LAMTOR5: variants seen among roughly 807,000 people sequenced by gnomAD.
LAMTOR5 encodes late endosomal/lysosomal adaptor, MAPK and MTOR activator 5.
A neutral mutation model predicts 12.1 loss-of-function variants in LAMTOR5; 8 were observed. That is an observed-to-expected ratio of 0.66 (90% CI 0.39 to 1.19). The LOEUF (loss-of-function observed/expected upper bound fraction) is 1.19. LAMTOR5 is among the 50% of genes most tolerant of loss of function. The probability of loss-of-function intolerance (pLI) is 0.01; values close to 1 mark genes in which losing one functional copy is unlikely to be tolerated. For missense variants in LAMTOR5, 110 were observed against 112.8 expected (o/e 0.97, Z 0.11); for synonymous variants, 37 against 41.9 (o/e 0.88, Z 0.45).
chr1:110,404,480 T>G (rs1663288680), intron 2 of LAMTOR5, among the ~76,000 whole-genome samples: 1 of 152,204 alleles, frequency 6.6e-6, no homozygotes, highest in African/African-American at 2.4e-5. Flanking sequence ...TTCCAAAAAT[T>G]TACCCTTTTT....
chr1:110,407,826 C>A, upstream of LAMTOR5: 2 of 1,613,976 alleles, frequency 1.2e-6, no homozygotes, highest in Non-Finnish European at 1.7e-6. Flanking sequence ...GCTTGGGCTC[C>A]CCGCGCGGTG....
chr1:110,405,542 G>A (rs957868543), intron 2 of LAMTOR5, among the ~76,000 whole-genome samples: 1 of 152,054 alleles, frequency 6.6e-6, no homozygotes. Flanking sequence ...TGTTGCACAG[G>A]CTGGTCTTGA....
intron 1 of LAMTOR5, chr1:110,406,822 CA>C (rs1557924821): frequency 4.7e-6 from 2 of 428,134 alleles, no homozygotes; most frequent in Non-Finnish European, 4.1e-6. Context: ...AATTCCGTCT[CA>C]AAAAAAGAAC....
At chr1:110,401,937 CT>C (rs1663238707) in intron 3 of LAMTOR5, among the ~76,000 whole-genome samples, 2 of 152,266 alleles carry the variant, frequency 1.3e-5, no homozygotes, top group Admixed American at 1.3e-4. Flanking sequence ...AAAAAAAAGG[CT>C]TTACTGGTCT....
Position 110,404,055 on chromosome 1 carries a change from A to C in LAMTOR5, c.98-19T>G. The C allele has an allele frequency of 1.2e-6, 2 of 1,611,584 alleles. No homozygotes were observed. The highest frequency in any genetic ancestry group is 8.5e-7 in the Non-Finnish European group (1 of 1,178,844). On this transcript the variant is annotated intron_variant, in intron 2 of 3. Transcript: ENST00000602318. ...CCGCGGCCTGGAAAATAGAGATGAT[A>C]TATGTCACCTGATTGCTCATAGAGT...
chr1:110,406,781 G>A (rs1663339097), intron 1 of LAMTOR5: 1 of 382,154 alleles, frequency 2.6e-6, no homozygotes. Context: ...CCGAGATCAC[G>A]CCATTGCACT....
At chr1:110,407,816 GCTT>G, upstream of LAMTOR5, 2 of 1,614,054 alleles carry the variant, frequency 1.2e-6, no homozygotes, top group Non-Finnish European at 1.7e-6. Flanking sequence ...CCTGACGAAG[GCTT>G]GGGCTCCCCG....
chr1:110,403,004 G>A (rs948998576), intron 3 of LAMTOR5, among the ~76,000 whole-genome samples: 9 of 151,940 alleles, frequency 5.9e-5, no homozygotes, highest in Middle Eastern at 3.2e-3. Flanking sequence ...TCTTCTCTAC[G>A]TTTAGATACA....
chr1:110,402,489 G>C (rs569447596), intron 3 of LAMTOR5, among the ~76,000 whole-genome samples: 1 of 152,242 alleles, frequency 6.6e-6, no homozygotes, highest in African/African-American at 2.4e-5. Flanking sequence ...CAAGTGATCT[G>C]CCCGCCTTGG....
At chr1:110,404,743 T>C (rs1663293495) in intron 2 of LAMTOR5, among the ~76,000 whole-genome samples, 1 of 152,194 alleles carries the variant, frequency 6.6e-6, no homozygotes, top group Non-Finnish European at 1.5e-5. Flanking sequence ...ATACATATTA[T>C]ATAACCTTAA....
chr1:110,407,420 C>T, intron 1 of LAMTOR5, 166 bp downstream of exon 1: 1 of 862,680 alleles, frequency 1.2e-6, no homozygotes, highest in South Asian at 1.8e-5. Flanking sequence ...GGTCACCCGC[C>T]CCGCCCTGCG....
At chr1:110,406,944 G>T (rs12408631) in intron 1 of LAMTOR5, 38,733 of 583,794 alleles carry the variant, frequency 0.066, 2,010 homozygotes, top group Admixed American at 0.17. Flanking sequence ...AACACTGCGT[G>T]AAAAACATCT....
chr1:110,406,225 G>C (rs1364517466), intron 2 of LAMTOR5, 93 bp downstream of exon 2: 1 of 796,576 alleles, frequency 1.3e-6, no homozygotes, highest in East Asian at 2.9e-5. Context: ...AAGGTAACAG[G>C]AAATAAAAGC....
chr1:110,407,363 A>G, intron 1 of LAMTOR5: 1 of 622,028 alleles, frequency 1.6e-6, no homozygotes, highest in Non-Finnish European at 2.8e-6. Context: ...GGCCCGGGAG[A>G]CTCGCTCAAG....
At position 110,406,371 on chromosome 1, in the gene LAMTOR5, T is replaced by G; in HGVS notation, c.44A>C (p.Asn15Thr). The G allele has an allele frequency of 6.2e-7, 1 of 1,608,734 alleles. No homozygotes were observed. Among genetic ancestry groups the G allele is most frequent in the African/African-American group, 1.3e-5 (1 of 74,906 alleles). The change falls in exon 2 of 4, where the codon AAT becomes ACT. Residue 15 changes from asparagine to threonine, a missense_variant. Asn to Thr is a moderately conservative substitution (Grantham distance 65). Transcript: ENST00000602318. The part of the protein sequence containing the change: ...LEQHLEDTMK[N>T]PSIVGVLCTD... ...GCACAGGACTCCAACAATGGAGGGA[T>G]TCTTCATTCTAATTCCAGGAACACA...
At chr1:110,403,843 C>A in intron 3 of LAMTOR5, 76 bp downstream of exon 3, 1 of 1,579,434 alleles carries the variant, frequency 6.3e-7, no homozygotes, top group Non-Finnish European at 8.6e-7. Context: ...CACTGATGAA[C>A]ACAGGGCCGG....
chr1:110,402,784 T>C (rs1316091441), intron 3 of LAMTOR5, among the ~76,000 whole-genome samples: 3 of 152,200 alleles, frequency 2.0e-5, no homozygotes, highest in African/African-American at 7.2e-5. Context: ...GTGTGTTTCT[T>C]CTTTGCTTTT....
In LAMTOR5 at chr1:110,403,769, A is replaced by C. The variant is rs1663271963; in HGVS notation, c.215+150T>G. On this transcript the variant is annotated intron_variant, in intron 3 of 3. Coordinates refer to ENST00000602318, the MANE Select transcript of LAMTOR5 (RefSeq NM_001382293.1). ...TGAGAGCACATTAGCTTTAGGGATC[A>C]ACTTGTCTGTTCCTGTGATTCAAAA... 1.3e-5 allele frequency: 16 copies of C among 1,237,898 alleles called. No individual in the cohort carries two copies. The South Asian group carries it at 1.5e-4, about 12-fold the overall frequency. The allele number at this position is 1,237,898 out of a possible 1,614,324, so 76.7% of individuals were successfully genotyped here. A position where few individuals can be genotyped will look rare whatever the true frequency, so the allele number is the denominator to read the frequency against.
chr1:110,403,140 C>T (rs933958149), intron 3 of LAMTOR5, among the ~76,000 whole-genome samples: 1 of 152,182 alleles, frequency 6.6e-6, no homozygotes, highest in African/African-American at 2.4e-5. Flanking sequence ...GATGTTCATA[C>T]AACAAAACTG....
Sources: allele counts gnomAD v4.1 joint callset (sites outside exome capture counted in the v4.1 genomes callset), GRCh38; gene constraint gnomAD v4.1.1; transcripts MANE v1.5; gene names NCBI Gene and HGNC (gene_info 2026-07-23, HGNC 2026-07-21).